The following LRRC37A2 variants were observed in gnomAD, a reference collection of about 807,000 sequenced individuals.
LRRC37A2 encodes the protein leucine-rich repeat-containing protein 37A2.
In LRRC37A2, 9 loss-of-function variants were observed where a neutral mutation model predicts 68.8. The observed-to-expected ratio is 0.13, with a 90% CI of 0.08 to 0.23. The LOEUF (loss-of-function observed/expected upper bound fraction) is 0.23. LRRC37A2 is among the 10% of genes least tolerant of loss of function. The pLI is 1.00. For synonymous variants in LRRC37A2, 63 were observed against 367.6 expected (o/e 0.17, Z 9.48); for missense variants, 168 against 950.4 (o/e 0.18, Z 10.82).
At chr17:46,940,764 C>A in the LRRC37A2 span, 1 of 1,536,644 alleles carries the variant, frequency 6.5e-7, no homozygotes, top group South Asian at 1.2e-5. Context: ...CAGAGCCAGT[C>A]CTCTAGTTTG....
Position 46,532,308 on chromosome 17 carries a change from T to G in LRRC37A2, c.2907-7868T>G. Among the ~76,000 whole-genome samples, 2 of 150,270 alleles carry G rather than the reference T, an allele frequency of 1.3e-5. 1 individual carries two copies. The highest frequency in any genetic ancestry group is 2.9e-5 in the Non-Finnish European group (2 of 67,970). ...GCTTCATGTTTACAGAATACTCCGT[T>G]GAATTTGGTTTGCCAGATTTTGTCA... is the stretch of plus-strand genomic sequence containing the variant. On this transcript the variant is annotated intron_variant, in intron 6 of 14. Coordinates refer to ENST00000576629, the Ensembl canonical transcript of LRRC37A2.
chr17:46,988,934 C>T, the LRRC37A2 span, among the ~76,000 whole-genome samples: 27 of 152,242 alleles, frequency 1.8e-4, no homozygotes, highest in East Asian at 4.6e-3. Flanking sequence ...TAATGATAAA[C>T]GGTGAGAAGG....
chr17:46,818,821 A>G, the LRRC37A2 span: 13 of 601,020 alleles, frequency 2.2e-5, no homozygotes, highest in South Asian at 2.2e-4. Flanking sequence ...GTAAGAGATG[A>G]GTCTGTAGTT....
At chr17:46,569,293 G>T in the LRRC37A2 span, among the ~76,000 whole-genome samples, 2 of 149,784 alleles carry the variant, frequency 1.3e-5, no homozygotes, top group Non-Finnish European at 3.0e-5. Flanking sequence ...AGGACTAGGT[G>T]CTAGATATTA....
the LRRC37A2 span, among the ~76,000 whole-genome samples, chr17:47,032,139 C>G: frequency 1.4e-5 from 2 of 138,168 alleles, no homozygotes; most frequent in Admixed American, 1.5e-4. Context: ...AGAAGCTTAG[C>G]ATTTCTTCCT....
At chr17:46,501,373 C>T in the LRRC37A2 span, among the ~76,000 whole-genome samples, 1 of 151,090 alleles carries the variant, frequency 6.6e-6, no homozygotes, top group African/African-American at 2.5e-5. Flanking sequence ...TAGAGTTTCA[C>T]CATGTTGGCC....
At chr17:46,756,150 C>CCAT in the LRRC37A2 span, 1 of 234,104 alleles carries the variant, frequency 4.3e-6, no homozygotes, top group South Asian at 1.6e-4. Flanking sequence ...TCTACTAGCA[C>CCAT]CATCACCCTT....
chr17:46,931,333 G>GTTTTGCATAGTCTATGACTATGC, the LRRC37A2 span: 1 of 697,664 alleles, frequency 1.4e-6, no homozygotes, highest in South Asian at 1.6e-5. Flanking sequence ...ACTATGCAAA[G>GTTTTGCATAGTCTATGACTATGC]AAAAAGCCCC....
intron 11 of LRRC37A2, among the ~76,000 whole-genome samples, chr17:46,551,088 A>G (rs78814719): frequency 6.7e-6 from 1 of 150,118 alleles, no homozygotes; most frequent in South Asian, 2.1e-4. Context: ...GTGAGGGGGA[A>G]CGTCTCATAC....
chr17:46,765,990 T>A, the LRRC37A2 span, among the ~76,000 whole-genome samples: 5 of 151,664 alleles, frequency 3.3e-5, no homozygotes, highest in African/African-American at 1.2e-4. Context: ...AGAGAAGGGG[T>A]TCCGGGTAGG....
chr17:46,707,885 T>C, the LRRC37A2 span, among the ~76,000 whole-genome samples: 1 of 151,892 alleles, frequency 6.6e-6, no homozygotes, highest in East Asian at 1.9e-4. Context: ...ATACAAAAAT[T>C]AGCCAGGAGT....
the LRRC37A2 span, among the ~76,000 whole-genome samples, chr17:46,776,188 G>T: frequency 7.9e-5 from 12 of 152,302 alleles, no homozygotes; most frequent in Admixed American, 6.5e-4. Flanking sequence ...TGCCTGCTGG[G>T]CAGTGCCTGC....
At chr17:47,026,692 A>G in the LRRC37A2 span, among the ~76,000 whole-genome samples, 1 of 152,256 alleles carries the variant, frequency 6.6e-6, no homozygotes. Flanking sequence ...AATTTCTTTT[A>G]TGAAATATTA....
the LRRC37A2 span, among the ~76,000 whole-genome samples, chr17:46,900,220 C>CATATAT: frequency 1.5e-4 from 18 of 122,170 alleles, no homozygotes; most frequent in African/African-American, 6.5e-4. Context: ...CACACACACA[C>CATATAT]ATATATATAT....
At chr17:47,013,183 G>T in the LRRC37A2 span, among the ~76,000 whole-genome samples, 7 of 152,326 alleles carry the variant, frequency 4.6e-5, no homozygotes, top group Admixed American at 4.6e-4. Context: ...GTAGACTAGT[G>T]GTTGCCAGGC....
At chr17:46,929,561 C>A in the LRRC37A2 span, 1 of 1,557,968 alleles carries the variant, frequency 6.4e-7, no homozygotes, top group Non-Finnish European at 8.9e-7. Context: ...CGCCTGGAGA[C>A]GGCAGACAAG....
chr17:46,862,991 G>T, the LRRC37A2 span, among the ~76,000 whole-genome samples: 1 of 152,248 alleles, frequency 6.6e-6, no homozygotes, highest in Non-Finnish European at 1.5e-5. Context: ...GAGGTTCAGA[G>T]GGAACGGGCC....
the LRRC37A2 span, among the ~76,000 whole-genome samples, chr17:46,731,023 G>A: frequency 6.6e-6 from 1 of 152,054 alleles, no homozygotes; most frequent in Non-Finnish European, 1.5e-5. Flanking sequence ...ATTCCACCAA[G>A]TATACACCTA....
chr17:46,792,127 T>C, the LRRC37A2 span, among the ~76,000 whole-genome samples: 2 of 152,154 alleles, frequency 1.3e-5, no homozygotes, highest in African/African-American at 4.8e-5. Flanking sequence ...TCTCTGCAAA[T>C]GGGATGTGTG....
Sources: allele counts gnomAD v4.1 joint callset (sites outside exome capture counted in the v4.1 genomes callset), GRCh38; gene constraint gnomAD v4.1.1; transcripts MANE v1.5; gene names NCBI Gene and HGNC (gene_info 2026-07-23, HGNC 2026-07-21).